Variants in ATG2B observed in about 807,000 individuals in gnomAD.
ATG2B encodes the protein autophagy related 2B.
Under a neutral mutation model 241.3 loss-of-function variants are expected in ATG2B, and 121 were observed. The ratio of observed to expected loss-of-function variants is 0.50; its 90% confidence interval spans 0.43 to 0.58. The LOEUF is 0.58. Ranked by LOEUF, ATG2B falls within the 20% of genes least tolerant of loss-of-function variation. The pLI, the probability that ATG2B is intolerant of heterozygous loss-of-function variation, is 0.00. For missense variants in ATG2B, 2,306 were observed against 2,491.6 expected, an observed-to-expected ratio of 0.93 and a Z score of 1.59; for synonymous variants, 858 against 876.6, an observed-to-expected ratio of 0.98 and a Z score of 0.37.
At chr14:96,348,946 C>T (rs893195647) in intron 1 of ATG2B, among the ~76,000 whole-genome samples, 6 of 151,908 alleles carry the variant, frequency 3.9e-5, no homozygotes, top group African/African-American at 1.5e-4. Flanking sequence ...AAGCAGAGAC[C>T]AAGATAAAGA....
chr14:96,295,102 G>A lies in ATG2B; in HGVS notation c.5284C>T (p.Pro1762Ser), dbSNP rs1886594638. The A allele has an allele frequency of 6.2e-7, 1 of 1,614,026 alleles. No homozygotes were observed. Among genetic ancestry groups the A allele is most frequent in the African/African-American group, 1.3e-5 (1 of 74,902 alleles). Residue 1762 changes from proline (P) to serine (S), a missense_variant, in exon 36 of 42, where the codon CCA (proline) becomes TCA (serine). Pro to Ser is a moderately conservative substitution (Grantham distance 74). Coordinates refer to ENST00000359933, the MANE Select transcript of ATG2B (RefSeq NM_018036.7). ...LPRHLSTSKE[P>S]NLVISFSGPK... ...CCAGAGAAAGAAATAACCAGATTTG[G>A]CTCCTTTGAGGTACTCAAATGCCTT...
chr14:96,308,460 CTTT>C (rs573746586), intron 29 of ATG2B, among the ~76,000 whole-genome samples: 10 of 115,602 alleles, frequency 8.7e-5, no homozygotes, highest in Admixed American at 9.4e-5. Context: ...CCACATCTAG[CTTT>C]TTTTTTTTTT....
At chr14:96,342,249 A>C (rs2139894104) in intron 5 of ATG2B, among the ~76,000 whole-genome samples, 1 of 151,122 alleles carries the variant, frequency 6.6e-6, no homozygotes, top group South Asian at 2.1e-4. Context: ...CCAAAAACCC[A>C]AAATCCAAAA....
chr14:96,354,262 G>A (rs1888413720), intron 1 of ATG2B, among the ~76,000 whole-genome samples: 1 of 152,132 alleles, frequency 6.6e-6, no homozygotes, highest in African/African-American at 2.4e-5. Flanking sequence ...GTATCCATTA[G>A]CTATTCTTCC....
At chr14:96,325,989 C>T (rs1887578836) in intron 14 of ATG2B, 67 bp from the exon 15 acceptor site, 1 of 1,451,200 alleles carries the variant, frequency 6.9e-7, no homozygotes, top group Non-Finnish European at 9.4e-7. Context: ...ACACAGTATT[C>T]AACATTACAA....
Position 96,294,419 on chromosome 14 carries a change from G to A in ATG2B, c.5426+541C>T, listed in dbSNP as rs139099829. ...GAGGAAACTGCAGTGTGCTGTGCTC[G>A]AGCTGGCCGAGCCGTTGGGCAGCAG... On this transcript the variant is annotated intron_variant, in intron 36 of 41. Coordinates refer to ENST00000359933, the MANE Select transcript of ATG2B (RefSeq NM_018036.7). 4.3e-3 allele frequency among the ~76,000 whole-genome samples: 652 copies of A among 152,288 alleles called. 26 individuals carry two copies. In the South Asian group the frequency reaches 0.068, roughly 16 times the overall value.
At chr14:96,341,459 T>C (rs528434343) in intron 6 of ATG2B, 63 bp downstream of exon 6, 100 of 1,309,136 alleles carry the variant, frequency 7.6e-5, no homozygotes, top group South Asian at 5.2e-4. Flanking sequence ...AATCACTGCA[T>C]AGAATAAAGA....
At position 96,295,537 on chromosome 14, in the gene ATG2B, A is replaced by G; in HGVS notation, c.5163T>C (p.Asp1721=). 6.2e-7 allele frequency: 1 copy of G among 1,604,444 alleles called. No homozygotes were observed. The highest frequency in any genetic ancestry group is 2.2e-5 in the East Asian group (1 of 44,622). The part of the protein sequence containing the change: ...IDQDALFFLK[D]FFTSLSAEVE... ...CTTCTGCAGAAAGACTTGTGAAGAA[A>G]TCCTTCAGGAAGAACAAAGCATCCT... is the stretch of plus-strand genomic sequence containing the variant. The change falls in exon 35 of 42, where the codon GAT becomes GAC. Residue 1721 remains aspartate, a synonymous_variant. Coordinates refer to ENST00000359933, the MANE Select transcript of ATG2B (RefSeq NM_018036.7).
chr14:96,295,993 C>T (rs1037801537), intron 34 of ATG2B, among the ~76,000 whole-genome samples: 5 of 152,042 alleles, frequency 3.3e-5, no homozygotes, highest in African/African-American at 1.2e-4. Flanking sequence ...CTCGCTCTGT[C>T]GCCAGGCTGG....
chr14:96,336,779 C>A (rs1566730300), intron 6 of ATG2B, among the ~76,000 whole-genome samples: 1 of 152,186 alleles, frequency 6.6e-6, no homozygotes, highest in East Asian at 1.9e-4. Flanking sequence ...GATGTTACCA[C>A]AGCAGAGGAT....
rs756744678 is a variant in ATG2B, at chr14:96,334,598, G to A, written c.925-97C>T. On this transcript the variant is annotated intron_variant, in intron 6 of 41. Transcript: ENST00000359933. ...TTTAATGAACTGAGATGAATACTGA[G>A]TCTTTAGTCTTGGAGTCCTTCATCT... 21 of 633,018 alleles carry A rather than the reference G, an allele frequency of 3.3e-5. No individual in the cohort carries two copies. The Admixed American group carries it at 4.2e-4, about 13-fold the overall frequency. The allele number at this position is 633,018 out of a possible 1,614,324, so 39.2% of individuals were successfully genotyped here. A position where few individuals can be genotyped will look rare whatever the true frequency, so the allele number is the denominator to read the frequency against.
intron 1 of ATG2B, among the ~76,000 whole-genome samples, chr14:96,355,062 G>A (rs907767544): frequency 2.0e-5 from 3 of 152,110 alleles, no homozygotes; most frequent in African/African-American, 7.2e-5. Flanking sequence ...CGGATAGCTT[G>A]CAAAAATTTT....
chr14:96,289,691 C>T lies in ATG2B; in HGVS notation c.5971G>A (p.Glu1991Lys). 6.2e-7 allele frequency: 1 copy of T among 1,614,216 alleles called. No individual in the cohort carries two copies. The highest frequency in any genetic ancestry group is 8.5e-7 in the Non-Finnish European group (1 of 1,180,024). Residue 1991 changes from glutamate (E) to lysine (K), a missense_variant, in exon 41 of 42, where the codon GAA becomes AAA. Coordinates refer to ENST00000359933, the MANE Select transcript of ATG2B (RefSeq NM_018036.7). This position sits in a 1 kb window ranked among gnomAD's most constrained non-coding sequence, Gnocchi z 4.3. ...RLAHQPVDLREGVAKAYSVVK... is the reference protein window; with the variant it reads ...RLAHQPVDLRKGVAKAYSVVK... Reference sequence around the variant, plus strand: ...ACACTGTAGGCCTTGGCCACACCTTCCCTCAGGTCTACTGGCTGGTGGGCT... The same window carrying T: ...ACACTGTAGGCCTTGGCCACACCTTTCCTCAGGTCTACTGGCTGGTGGGCT...
At chr14:96,332,228 A>T in intron 10 of ATG2B, 77 bp downstream of exon 10, 2 of 1,170,738 alleles carry the variant, frequency 1.7e-6, no homozygotes, top group Non-Finnish European at 2.5e-6. Context: ...AAAAAAAAAA[A>T]GAAAGAAAAG....
rs1408358864 is a variant in ATG2B at position 96,290,417 on chromosome 14, A to C, written c.5856+19T>G. The C allele has an allele frequency of 2.5e-6, 4 of 1,613,202 alleles. No individual in the cohort carries two copies. Among genetic ancestry groups the C allele is most frequent in the African/African-American group, 1.3e-5 (1 of 74,928 alleles). On this transcript the variant is annotated intron_variant, in intron 40 of 41. Coordinates refer to ENST00000359933, the MANE Select transcript of ATG2B (RefSeq NM_018036.7). This position sits in a 1 kb window ranked among gnomAD's most constrained non-coding sequence, Gnocchi z 4.4. ...ACAATGGCTCTTTTTGGATAGACTA[A>C]GGCAGTCTAAAAAGATACCTGTATG... is the stretch of plus-strand genomic sequence containing the variant.
rs1566721400 is a variant in ATG2B, at chr14:96,312,175, T to TA, written c.3843-17dup. 1.3e-6 allele frequency: 2 copies of TA among 1,585,824 alleles called. No homozygotes were observed. The highest frequency in any genetic ancestry group is 4.5e-5 in the East Asian group (2 of 43,964). ...CAAGATTATTCTGAGGCAAGAAAGA[T>TA]AAAACCAACATCTGAAAAACTAAGC... On this transcript the variant is annotated splice_polypyrimidine_tract_variant and intron_variant, in intron 25 of 41. Transcript: ENST00000359933.
Position 96,304,524 on chromosome 14 carries a change from C to A in ATG2B, c.4813G>T (p.Asp1605Tyr). Residue 1605 changes from aspartate (D) to tyrosine (Y), a missense_variant, in exon 32 of 42, where the codon GAC becomes TAC. By Grantham distance (160) the Asp-to-Tyr change is radical (BLOSUM62 -3). Coordinates refer to ENST00000359933, the MANE Select transcript of ATG2B (RefSeq NM_018036.7). ...CTTAGCTGTATTTCCATTAAAAAGT[C>A]ATGGTTCCTTCCTTTTCCCCCACAT... ...TVCGGKGRNH[D>Y]FLMEIQLSKV... 1 of 1,612,112 alleles carries A rather than the reference C, an allele frequency of 6.2e-7. No individual in the cohort carries two copies. The highest frequency in any genetic ancestry group is 1.1e-5 in the South Asian group (1 of 90,996).
At chr14:96,340,460 C>T (rs1345291981) in intron 6 of ATG2B, among the ~76,000 whole-genome samples, 4 of 151,780 alleles carry the variant, frequency 2.6e-5, no homozygotes, top group South Asian at 2.1e-4. Flanking sequence ...AAAAAGATAA[C>T]GCATGTTCTC....
At position 96,289,886 on chromosome 14, in the gene ATG2B, G is replaced by A; in HGVS notation, c.5857-81C>T. 1 of 1,397,038 alleles carries A rather than the reference G, an allele frequency of 7.2e-7. No homozygotes were observed. Among genetic ancestry groups the A allele is most frequent in the Non-Finnish European group, 9.9e-7 (1 of 1,008,622 alleles). The allele number at this position is 1,397,038 out of a possible 1,614,324, so 86.5% of individuals were successfully genotyped here. A position where few individuals can be genotyped will look rare whatever the true frequency, so the allele number is the denominator to read the frequency against. ...GGACCAGCAGAGCACTTCCTACAGGGAGTGAGGAAGAGCAGAGGAACTCAC... is the reference window on the plus strand; with the variant it reads ...GGACCAGCAGAGCACTTCCTACAGGAAGTGAGGAAGAGCAGAGGAACTCAC... On this transcript the variant is annotated intron_variant, in intron 40 of 41. Coordinates refer to ENST00000359933, the MANE Select transcript of ATG2B (RefSeq NM_018036.7). This position sits in a 1 kb window ranked among gnomAD's most constrained non-coding sequence, Gnocchi z 4.3.
Sources: allele counts gnomAD v4.1 joint callset (sites outside exome capture counted in the v4.1 genomes callset), GRCh38; gene constraint gnomAD v4.1.1; non-coding constraint Gnocchi (gnomAD v3.1); transcripts MANE v1.5; gene names NCBI Gene and HGNC (gene_info 2026-07-23, HGNC 2026-07-21).